PIWIL2: variants seen among roughly 807,000 people sequenced by gnomAD.
PIWIL2 encodes the protein piwi-like protein 2.
PIWIL2 carries 81 observed loss-of-function variants against 116.5 expected under a neutral mutation model. The ratio of observed to expected loss-of-function variants is 0.70; its 90% CI spans 0.58 to 0.84. PIWIL2 has a LOEUF of 0.84. Ranked by LOEUF, PIWIL2 falls within the 40% of genes least tolerant of loss-of-function variation. The pLI is 0.00. For missense variants in PIWIL2, 1,272 were observed against 1,212.3 expected (o/e 1.05, Z -0.73); for synonymous variants, 489 against 429.5 (o/e 1.14, Z -1.71).
chr8:22,295,958 AG>A (rs1304124015), intron 10 of PIWIL2, among the ~76,000 whole-genome samples: 1 of 149,306 alleles, frequency 6.7e-6, no homozygotes, highest in Non-Finnish European at 1.5e-5. Context: ...GATCGGCTTC[AG>A]TTCGGCTGGT....
At chr8:22,353,329 C>A in intron 21 of PIWIL2, 117 bp downstream of exon 21, 1 of 898,794 alleles carries the variant, frequency 1.1e-6, no homozygotes, top group Non-Finnish European at 1.7e-6. Flanking sequence ...CTCAGAGAGG[C>A]TACCGTTAAA....
rs550712616 is a variant in PIWIL2 at position 22,305,002 on chromosome 8, TTGTC to T, written c.1455+140_1455+143del. On this transcript the variant is annotated intron_variant, in intron 12 of 22. Coordinates refer to ENST00000356766, the MANE Select transcript of PIWIL2 (RefSeq NM_018068.5). ...TAGTTGCGGAAAGCTGTGCAAGTGTTTGTCTGTCTCATCCAGCCAGAGGCACCAC... is the reference window on the plus strand; with the variant it reads ...TAGTTGCGGAAAGCTGTGCAAGTGTTTGTCTCATCCAGCCAGAGGCACCAC... 1.4e-4 allele frequency: 90 copies of T among 655,942 alleles called. No homozygotes were observed. The South Asian group carries it at 1.5e-3, about 11-fold the overall frequency. 40.6% of individuals were successfully genotyped at this position (655,942 alleles called of 1,614,324 possible).
At chr8:22,302,995 T>G (rs533452482) in intron 10 of PIWIL2, among the ~76,000 whole-genome samples, 1 of 152,342 alleles carries the variant, frequency 6.6e-6, no homozygotes, top group East Asian at 1.9e-4. Flanking sequence ...TGGGTTCCCA[T>G]CCCTACCCCT....
intron 20 of PIWIL2, among the ~76,000 whole-genome samples, chr8:22,349,155 G>A (rs929633213): frequency 2.7e-5 from 4 of 148,380 alleles, no homozygotes; most frequent in Non-Finnish European, 5.9e-5. Context: ...TTCAATGCAC[G>A]CCACCAGGCC....
intron 20 of PIWIL2, among the ~76,000 whole-genome samples, chr8:22,332,151 A>G (rs1261986561): frequency 2.6e-5 from 4 of 152,000 alleles, no homozygotes; most frequent in Non-Finnish European, 5.9e-5. Flanking sequence ...CTAAAAATAC[A>G]AAAATTAGCC....
In PIWIL2 at chr8:22,283,223, T is replaced by C; in HGVS notation, c.615T>C (p.Thr205=). Residue 205 remains threonine, a synonymous_variant, in exon 5 of 23, where the codon ACT becomes ACC. Transcript: ENST00000356766. ...CTCCAGATCGCCCTCTGGTCCTGACTGTGGAACACAAGGAAAAGTAAGTCA... is the reference window on the plus strand; with the variant it reads ...CTCCAGATCGCCCTCTGGTCCTGACCGTGGAACACAAGGAAAAGTAAGTCA... ...LHSPDRPLVL[T]VEHKEKELIV... 6.2e-7 allele frequency: 1 copy of C among 1,613,750 alleles called. No homozygotes were observed. The highest frequency in any genetic ancestry group is 8.5e-7 in the Non-Finnish European group (1 of 1,179,746).
At chr8:22,310,097 A>C (rs1235929360) in intron 15 of PIWIL2, 23 bp downstream of exon 15, 3 of 1,247,482 alleles carry the variant, frequency 2.4e-6, no homozygotes, top group Non-Finnish European at 3.5e-6. Context: ...TGAAGTGATA[A>C]AGAGAGGACC....
chr8:22,330,741 T>TAAAAAAAA (rs1040354282), intron 20 of PIWIL2, among the ~76,000 whole-genome samples: 11 of 140,612 alleles, frequency 7.8e-5, no homozygotes, highest in South Asian at 2.2e-4. Flanking sequence ...AATAAATAAA[T>TAAAAAAAA]AAAAATAGTT....
intron 20 of PIWIL2, among the ~76,000 whole-genome samples, chr8:22,320,196 C>T (rs1455091967): frequency 1.3e-5 from 2 of 150,024 alleles, no homozygotes; most frequent in East Asian, 4.0e-4. Flanking sequence ...CTCCTGACCT[C>T]ATGATCCACG....
chr8:22,301,097 A>G (rs185324294), intron 10 of PIWIL2, among the ~76,000 whole-genome samples: 1 of 151,478 alleles, frequency 6.6e-6, no homozygotes, highest in African/African-American at 2.4e-5. Context: ...CTCTCACCTC[A>G]CCCTCCTGAG....
At chr8:22,309,080 G>A (rs1831261001) in intron 14 of PIWIL2, among the ~76,000 whole-genome samples, 2 of 151,946 alleles carry the variant, frequency 1.3e-5, no homozygotes, top group African/African-American at 4.8e-5. Context: ...TCCTGCCTCA[G>A]CTTCCCAAGT....
rs910995459 is a variant in PIWIL2 at position 22,303,296 on chromosome 8, T to C, written c.1182-725T>C. ...AAGATCTGTAGTCTAGTTAATGATA[T>C]TATAGCAATGGCAGTTTTGTACATG... On this transcript the variant is annotated intron_variant, in intron 10 of 22. Transcript: ENST00000356766. 4.6e-5 allele frequency among the ~76,000 whole-genome samples: 7 copies of C among 152,218 alleles called. No individual in the cohort carries two copies. In the East Asian group the frequency reaches 1.2e-3, roughly 25 times the overall value.
At chr8:22,343,637 G>A (rs536258826) in intron 20 of PIWIL2, among the ~76,000 whole-genome samples, 75 of 152,322 alleles carry the variant, frequency 4.9e-4, no homozygotes, top group South Asian at 2.9e-3. Flanking sequence ...TAGCATACAA[G>A]CAGGTGTTCA....
intron 5 of PIWIL2, among the ~76,000 whole-genome samples, chr8:22,283,948 G>A (rs913785904): frequency 6.6e-6 from 1 of 152,170 alleles, no homozygotes; most frequent in Non-Finnish European, 1.5e-5. Context: ...AAGGTAGGGT[G>A]ACCTTGCTTA....
At chr8:22,321,075 A>G (rs1344264672) in intron 20 of PIWIL2, among the ~76,000 whole-genome samples, 1 of 152,208 alleles carries the variant, frequency 6.6e-6, no homozygotes, top group East Asian at 1.9e-4. Flanking sequence ...CTGAACTATG[A>G]ACTTAAGTAG....
rs1393683343 is a variant in PIWIL2 at position 22,356,417 on chromosome 8, T to G, written c.*912T>G. 3 of 152,238 alleles carry G rather than the reference T, an allele frequency of 2.0e-5. No homozygotes were observed. Among genetic ancestry groups the G allele is most frequent in the Non-Finnish European group, 4.4e-5 (3 of 68,054 alleles). 9.4% of individuals were successfully genotyped at this position (152,238 alleles called of 1,614,324 possible). A position where few individuals can be genotyped will look rare whatever the true frequency, so the allele number is the denominator to read the frequency against. ...TCGAAAATGGCTTCCCTTGGCCTCT[T>G]GAAAGAGTGCAGATGAAGCCTTTTC... On this transcript the variant is annotated 3_prime_UTR_variant, in exon 23 of 23. Transcript: ENST00000356766.
chr8:22,288,728 C>G (rs1830689202), intron 8 of PIWIL2, 62 bp downstream of exon 8: 3 of 1,398,890 alleles, frequency 2.1e-6, no homozygotes, highest in Non-Finnish European at 2.0e-6. Flanking sequence ...CAGTAATGTT[C>G]TTCAAGATAC....
At chr8:22,311,056 A>G in intron 15 of PIWIL2, 56 bp from the exon 16 acceptor site, 3 of 1,381,510 alleles carry the variant, frequency 2.2e-6, no homozygotes, top group Admixed American at 2.2e-5. Context: ...AATCTTAAGT[A>G]TGAGTTTGGG....
intron 10 of PIWIL2, among the ~76,000 whole-genome samples, chr8:22,301,968 A>G (rs895452270): frequency 7.9e-5 from 12 of 152,216 alleles, no homozygotes; most frequent in African/African-American, 2.9e-4. Context: ...TAAGGCACAA[A>G]TGTCCCTCTG....
Sources: allele counts gnomAD v4.1 joint callset (sites outside exome capture counted in the v4.1 genomes callset), GRCh38; gene constraint gnomAD v4.1.1; transcripts MANE v1.5; gene names NCBI Gene and HGNC (gene_info 2026-07-23, HGNC 2026-07-21).